Variants in PLCB1 observed in about 807,000 individuals in gnomAD.
The protein encoded by PLCB1 is phospholipase C beta 1.
Under a neutral mutation model 161.8 loss-of-function variants are expected in PLCB1, and 46 were observed. The ratio of observed to expected loss-of-function variants is 0.28; its 90% CI spans 0.22 to 0.36. The LOEUF (loss-of-function observed/expected upper bound fraction) is 0.36. Ranked by LOEUF, PLCB1 falls within the 10% of genes least tolerant of loss-of-function variation. The pLI, the probability that PLCB1 is intolerant of heterozygous loss-of-function variation, is 1.00. For missense variants in PLCB1, 1,016 were observed against 1,472.5 expected (o/e 0.69, Z 5.07); for synonymous variants, 517 against 503.7 (o/e 1.03, Z -0.35).
intron 3 of PLCB1, among the ~76,000 whole-genome samples, chr20:8,402,609 C>A (rs1047199352): frequency 6.6e-6 from 1 of 150,518 alleles, no homozygotes; most frequent in African/African-American, 2.5e-5. Context: ...CCGAGGCAGG[C>A]GGATCACAAG....
At chr20:8,602,040 C>T (rs1049465028) in intron 3 of PLCB1, among the ~76,000 whole-genome samples, 1 of 152,138 alleles carries the variant, frequency 6.6e-6, no homozygotes, top group African/African-American at 2.4e-5. Flanking sequence ...GATGGTCCTC[C>T]AATGTCACTT....
chr20:8,394,582 T>C (rs1987708531), intron 3 of PLCB1, among the ~76,000 whole-genome samples: 1 of 152,144 alleles, frequency 6.6e-6, no homozygotes, highest in South Asian at 2.1e-4. Context: ...TCTTCATCCA[T>C]AAAATGAAGT....
At chr20:8,583,488 T>G (rs1304091509) in intron 3 of PLCB1, among the ~76,000 whole-genome samples, 1 of 152,230 alleles carries the variant, frequency 6.6e-6, no homozygotes, top group East Asian at 1.9e-4. Flanking sequence ...GAATCTAACC[T>G]AACACAGTCA....
chr20:8,574,698 C>A (rs1008117399), intron 3 of PLCB1, among the ~76,000 whole-genome samples: 1 of 146,994 alleles, frequency 6.8e-6, no homozygotes, highest in African/African-American at 2.7e-5. Context: ...GAGGCATGAT[C>A]AAATACAAGC....
intron 3 of PLCB1, among the ~76,000 whole-genome samples, chr20:8,384,673 T>A (rs998835125): frequency 6.6e-6 from 1 of 152,144 alleles, no homozygotes; most frequent in African/African-American, 2.4e-5. Context: ...CTAGTTTTGA[T>A]CTTTGAGGCT....
At chr20:8,393,550 A>G (rs998861889) in intron 3 of PLCB1, among the ~76,000 whole-genome samples, 1 of 152,086 alleles carries the variant, frequency 6.6e-6, no homozygotes, top group African/African-American at 2.4e-5. Context: ...GCTACTCAGT[A>G]TAGGCTGAGG....
At chr20:8,717,154 C>A (rs942485564) in intron 13 of PLCB1, among the ~76,000 whole-genome samples, 3 of 152,316 alleles carry the variant, frequency 2.0e-5, no homozygotes, top group Non-Finnish European at 4.4e-5. Flanking sequence ...GAAGCCACCT[C>A]ATCCACTTCT....
intron 31 of PLCB1, among the ~76,000 whole-genome samples, chr20:8,842,569 A>C (rs1600374931): frequency 6.6e-6 from 1 of 152,184 alleles, no homozygotes; most frequent in South Asian, 2.1e-4. Context: ...GAGTTGTAGA[A>C]GGAAAGGGCT....
intron 3 of PLCB1, among the ~76,000 whole-genome samples, chr20:8,513,452 CA>C (rs1440833899): frequency 4.6e-5 from 7 of 152,170 alleles, no homozygotes; most frequent in African/African-American, 1.7e-4. Flanking sequence ...AGACAAATTA[CA>C]TTATTTTTAC....
intron 7 of PLCB1, among the ~76,000 whole-genome samples, chr20:8,656,699 A>G (rs1008131342): frequency 1.3e-5 from 2 of 151,942 alleles, no homozygotes; most frequent in African/African-American, 4.8e-5. Context: ...TTTGAAAATA[A>G]TTGACACAAA....
intron 10 of PLCB1, among the ~76,000 whole-genome samples, chr20:8,694,502 C>G (rs895320384): frequency 1.3e-5 from 2 of 152,176 alleles, no homozygotes; most frequent in African/African-American, 4.8e-5. Context: ...AAAACATTAA[C>G]TGATCAACAT....
chr20:8,606,137 T>C (rs1274049146), intron 3 of PLCB1, among the ~76,000 whole-genome samples: 1 of 152,220 alleles, frequency 6.6e-6, no homozygotes, highest in African/African-American at 2.4e-5. Flanking sequence ...GTTGCCTTCC[T>C]ATTCCAATAT....
intron 3 of PLCB1, among the ~76,000 whole-genome samples, chr20:8,558,601 G>T (rs1986041897): frequency 6.6e-6 from 1 of 151,688 alleles, no homozygotes; most frequent in African/African-American, 2.4e-5. Context: ...ATGAACTCCA[G>T]GTAGGATAAA....
intron 26 of PLCB1, among the ~76,000 whole-genome samples, chr20:8,772,168 A>C (rs1417833574): frequency 6.6e-6 from 1 of 150,860 alleles, no homozygotes; most frequent in Non-Finnish European, 1.5e-5. Flanking sequence ...GGCGTGAGCC[A>C]CCAGCACACC....
intron 31 of PLCB1, among the ~76,000 whole-genome samples, chr20:8,821,636 T>C (rs893536901): frequency 6.7e-6 from 1 of 148,530 alleles, no homozygotes; most frequent in Non-Finnish European, 1.5e-5. Flanking sequence ...TTTTGACAGA[T>C]GGGATATTTT....
At chr20:8,685,175 C>A in intron 10 of PLCB1, 97 bp downstream of exon 10, 3 of 1,214,054 alleles carry the variant, frequency 2.5e-6, no homozygotes, top group South Asian at 1.3e-5. Context: ...TGTTTTCTTC[C>A]ATTTCCTGCG....
intron 2 of PLCB1, among the ~76,000 whole-genome samples, chr20:8,364,004 A>G (rs973662839): frequency 6.6e-6 from 1 of 152,158 alleles, no homozygotes; most frequent in Non-Finnish European, 1.5e-5. Context: ...TAAGGATATT[A>G]TTTGACTTTG....
intron 2 of PLCB1, among the ~76,000 whole-genome samples, chr20:8,277,787 C>T (rs1182566819): frequency 6.6e-6 from 1 of 152,106 alleles, no homozygotes; most frequent in Non-Finnish European, 1.5e-5. Context: ...TTTTAAAAAT[C>T]ACAATCTAAA....
intron 2 of PLCB1, among the ~76,000 whole-genome samples, chr20:8,362,392 A>G (rs1328191784): frequency 6.6e-6 from 1 of 152,188 alleles, no homozygotes; most frequent in Non-Finnish European, 1.5e-5. Flanking sequence ...TCTTAATATA[A>G]TGTTTCCTAG....
Sources: gnomAD v4.1 joint callset for allele counts (sites outside exome capture counted in the v4.1 genomes callset) on GRCh38, gnomAD v4.1.1 for gene constraint, MANE v1.5 for transcripts, NCBI Gene and HGNC (gene_info 2026-07-23, HGNC 2026-07-21) for gene names.